The following PDGFRL variants were observed in gnomAD, a reference collection of about 807,000 sequenced individuals.
PDGFRL encodes the protein platelet-derived growth factor receptor-like protein.
A neutral mutation model predicts 37.2 loss-of-function variants in PDGFRL; 46 were observed. The observed-to-expected ratio is 1.24, with a 90% CI of 0.98 to 1.58. PDGFRL has a LOEUF of 1.58. Ranked by LOEUF, PDGFRL falls within the 40% of genes most tolerant of loss-of-function variation. The pLI, the probability that PDGFRL is intolerant of heterozygous loss-of-function variation, is 0.00. For synonymous variants in PDGFRL, 251 were observed against 184.3 expected (o/e 1.36, Z -2.93); for missense variants, 692 against 467.6 (o/e 1.48, Z -4.43).
intron 2 of PDGFRL, among the ~76,000 whole-genome samples, chr8:17,603,196 CT>C (rs1168854712): frequency 6.6e-6 from 1 of 152,112 alleles, no homozygotes; most frequent in African/African-American, 2.4e-5. Context: ...GTTGGCCAGG[CT>C]TGTGTTGAAC....
At chr8:17,579,713 C>T (rs1056924160) in intron 1 of PDGFRL, among the ~76,000 whole-genome samples, 4 of 151,970 alleles carry the variant, frequency 2.6e-5, no homozygotes, top group African/African-American at 9.7e-5. Context: ...GACTTCCCTG[C>T]AAGTGTGTAT....
At chr8:17,608,101 C>A (rs921342019) in intron 2 of PDGFRL, among the ~76,000 whole-genome samples, 1 of 152,174 alleles carries the variant, frequency 6.6e-6, no homozygotes, top group Admixed American at 6.5e-5. Flanking sequence ...GCCTCAGGGG[C>A]CTGTCTCCTG....
At chr8:17,638,920 G>T (rs58669346) in intron 5 of PDGFRL, among the ~76,000 whole-genome samples, 3,710 of 151,388 alleles carry the variant, frequency 0.025, 149 homozygotes, top group African/African-American at 0.085. Flanking sequence ...AGACAGGCCT[G>T]CACCTGTAAT....
At chr8:17,626,542 A>G (rs1198718194) in intron 3 of PDGFRL, among the ~76,000 whole-genome samples, 1 of 152,196 alleles carries the variant, frequency 6.6e-6, no homozygotes, top group Non-Finnish European at 1.5e-5. Context: ...AACACCATCT[A>G]ACTGTGACAC....
chr8:17,583,951 TA>T (rs1252138600), intron 1 of PDGFRL, among the ~76,000 whole-genome samples: 15 of 152,160 alleles, frequency 9.9e-5, no homozygotes, highest in Admixed American at 9.8e-4. Context: ...CTTTCCTGCA[TA>T]AATGATTCAG....
chr8:17,642,511 G>A (rs955674227), intron 5 of PDGFRL, 102 bp from the exon 6 acceptor site: 1 of 721,818 alleles, frequency 1.4e-6, no homozygotes, highest in Non-Finnish European at 2.5e-6. Flanking sequence ...ATAAGCATGT[G>A]CTTTGCTCTC....
intron 3 of PDGFRL, among the ~76,000 whole-genome samples, chr8:17,623,557 G>A (rs569909072): frequency 6.6e-6 from 1 of 152,284 alleles, no homozygotes; most frequent in East Asian, 1.9e-4. Flanking sequence ...TGCAGGCTTA[G>A]CTTGGGCAGA....
Position 17,642,778 on chromosome 8 carries a change from G to A in PDGFRL, c.1105G>A (p.Ala369Thr). 1 of 1,607,820 alleles carries A rather than the reference G, an allele frequency of 6.2e-7. No homozygotes were observed. The highest frequency in any genetic ancestry group is 1.1e-5 in the South Asian group (1 of 90,712). The change falls in exon 6 of 6, where the codon GCT becomes ACT. Residue 369 changes from alanine to threonine, a missense_variant. Coordinates refer to ENST00000251630, the MANE Select transcript of PDGFRL (RefSeq NM_001372073.1). ...AQNLQGQTTV[A>T]TTVEFS ...GAATCTTCAAGGACAGACCACAGTAGCTACCACTGTTGAGTTTTCCTGACT... is the reference window on the plus strand; with the variant it reads ...GAATCTTCAAGGACAGACCACAGTAACTACCACTGTTGAGTTTTCCTGACT...
chr8:17,615,061 T>C (rs1804495585), intron 2 of PDGFRL, among the ~76,000 whole-genome samples: 2 of 152,290 alleles, frequency 1.3e-5, no homozygotes, highest in South Asian at 4.1e-4. Context: ...AAACACTGCT[T>C]AAGTTTCAGT....
chr8:17,590,253 A>AAAAAAAAAAAAAAAAAAAAAAAAAAAAT (rs1356419901), intron 2 of PDGFRL, among the ~76,000 whole-genome samples: 1 of 144,542 alleles, frequency 6.9e-6, no homozygotes, highest in Non-Finnish European at 1.5e-5. Context: ...AAAAAAAAAA[A>AAAAAAAAAAAAAAAAAAAAAAAAAAAAT]AAATTGCAAA....
intron 4 of PDGFRL, among the ~76,000 whole-genome samples, chr8:17,632,452 T>C (rs896931288): frequency 4.6e-5 from 7 of 152,072 alleles, no homozygotes; most frequent in Non-Finnish European, 8.8e-5. Flanking sequence ...GGGATTCTCC[T>C]GTCTCAGGCT....
intron 2 of PDGFRL, among the ~76,000 whole-genome samples, chr8:17,616,256 G>A (rs1055997447): frequency 5.3e-5 from 8 of 151,984 alleles, no homozygotes; most frequent in South Asian, 2.1e-4. Context: ...GTGCAGTGCC[G>A]CAATCTCAGC....
chr8:17,642,580 C>G (rs753052227), intron 5 of PDGFRL, 33 bp from the exon 6 acceptor site: 1 of 1,411,418 alleles, frequency 7.1e-7, no homozygotes, highest in South Asian at 1.2e-5. Context: ...GCTTGTCCCT[C>G]TTGCTTCAGT....
intron 3 of PDGFRL, among the ~76,000 whole-genome samples, chr8:17,626,550 C>A (rs1041440870): frequency 1.3e-5 from 2 of 152,158 alleles, no homozygotes; most frequent in Non-Finnish European, 2.9e-5. Flanking sequence ...CTAACTGTGA[C>A]ACAAAGAAGG....
At chr8:17,599,310 C>G (rs186108033) in intron 2 of PDGFRL, among the ~76,000 whole-genome samples, 1 of 152,298 alleles carries the variant, frequency 6.6e-6, no homozygotes, top group East Asian at 1.9e-4. Flanking sequence ...AACTCTTCCC[C>G]CCAAGTCCCT....
chr8:17,620,963 G>T, intron 2 of PDGFRL, 88 bp from the exon 3 acceptor site: 1 of 899,068 alleles, frequency 1.1e-6, no homozygotes, highest in Non-Finnish European at 1.6e-6. Flanking sequence ...GGGCAAGTCT[G>T]CCCAGAGAAC....
intron 2 of PDGFRL, among the ~76,000 whole-genome samples, chr8:17,591,224 G>T (rs3824324): frequency 0.88 from 134,111 of 152,144 alleles, 60,982 homozygotes; most frequent in Non-Finnish European, 0.99. Context: ...GACTGTTACA[G>T]TCAGAGGCCT....
chr8:17,642,539 A>C, intron 5 of PDGFRL, 74 bp from the exon 6 acceptor site: 1 of 852,112 alleles, frequency 1.2e-6, no homozygotes, highest in Non-Finnish European at 2.0e-6. Context: ...AACGCTCAAC[A>C]GTGTTGGGTG....
At chr8:17,606,287 C>T (rs1332467112) in intron 2 of PDGFRL, among the ~76,000 whole-genome samples, 1 of 152,090 alleles carries the variant, frequency 6.6e-6, no homozygotes, top group African/African-American at 2.4e-5. Flanking sequence ...GCATTCATAT[C>T]ATTATGTGAG....
Sources: allele counts gnomAD v4.1 joint callset (sites outside exome capture counted in the v4.1 genomes callset), GRCh38; gene constraint gnomAD v4.1.1; transcripts MANE v1.5; gene names NCBI Gene and HGNC (gene_info 2026-07-23, HGNC 2026-07-21).